KIF1B: variants seen among roughly 807,000 people sequenced by gnomAD.
KIF1B encodes kinesin family member 1B.
In KIF1B, 76 loss-of-function variants were observed where a neutral mutation model predicts 241.9. The observed-to-expected ratio is 0.31, with a 90% confidence interval of 0.26 to 0.38. The LOEUF (loss-of-function observed/expected upper bound fraction) is 0.38. Ranked by LOEUF, KIF1B falls within the 10% of genes least tolerant of loss-of-function variation. KIF1B has a pLI of 1.00. For missense variants in KIF1B, 1,622 were observed against 2,271.4 expected, an observed-to-expected ratio of 0.71 and a Z score of 5.81; for synonymous variants, 750 against 796.7, an observed-to-expected ratio of 0.94 and a Z score of 0.99.
At chr1:10,295,270 AT>A in intron 18 of KIF1B, 105 bp downstream of exon 18, 1 of 781,164 alleles carries the variant, frequency 1.3e-6, no homozygotes, top group Non-Finnish European at 2.3e-6. Flanking sequence ...GATTTGCTGT[AT>A]TTTTTGTCTG....
chr1:10,290,436 G>A lies in KIF1B; in HGVS notation c.1435-646G>A, dbSNP rs7553321. ...GTTCAGGAGGTTAGTGTGTTATGGC[G>A]AAATTGTAGTGAAACAAAAGCAGTA... On this transcript the variant is annotated intron_variant, in intron 15 of 48. Coordinates refer to ENST00000676179, the MANE Select transcript of KIF1B (RefSeq NM_001365951.3). 8.6e-3 allele frequency among the ~76,000 whole-genome samples: 1,309 copies of A among 152,206 alleles called. 17 individuals carry two copies. Among genetic ancestry groups the A allele is most frequent in the African/African-American group, 0.029 (1,219 of 41,534 alleles).
At chr1:10,323,400 C>T (rs1651598388) in intron 24 of KIF1B, among the ~76,000 whole-genome samples, 1 of 152,112 alleles carries the variant, frequency 6.6e-6, no homozygotes. Context: ...GTGGGTGGAT[C>T]ATTTGAGCTC....
intron 2 of KIF1B, among the ~76,000 whole-genome samples, chr1:10,240,148 C>T (rs563086267): frequency 6.6e-5 from 10 of 152,016 alleles, no homozygotes; most frequent in Non-Finnish European, 8.8e-5. Flanking sequence ...GTGATCCGCC[C>T]GCCTCAGCCT....
intron 10 of KIF1B, among the ~76,000 whole-genome samples, chr1:10,273,382 TGTCTCTACTAAAAATACA>T (rs1648906213): frequency 6.6e-6 from 1 of 152,154 alleles, no homozygotes; most frequent in Non-Finnish European, 1.5e-5. Context: ...GGTGAAACTC[TGTCTCTACTAAAAATACA>T]AAAATTAGCT....
intron 2 of KIF1B, among the ~76,000 whole-genome samples, chr1:10,247,208 C>G (rs1647231797): frequency 1.3e-5 from 2 of 152,230 alleles, no homozygotes; most frequent in African/African-American, 4.8e-5. Flanking sequence ...ACTTTGGCCA[C>G]ACAGCCTCAC....
intron 38 of KIF1B, among the ~76,000 whole-genome samples, chr1:10,358,825 C>T (rs1224247723): frequency 6.6e-6 from 1 of 152,160 alleles, no homozygotes; most frequent in African/African-American, 2.4e-5. Flanking sequence ...GTTTTATGGA[C>T]ACATGAAGGG....
chr1:10,310,594 G>A (rs1343776211), intron 22 of KIF1B, among the ~76,000 whole-genome samples: 1 of 151,590 alleles, frequency 6.6e-6, no homozygotes, highest in Non-Finnish European at 1.5e-5. Flanking sequence ...ATAGTTTGCC[G>A]ACCCCGATCT....
chr1:10,332,288 A>T (rs1221845916), intron 27 of KIF1B, among the ~76,000 whole-genome samples: 2 of 150,974 alleles, frequency 1.3e-5, no homozygotes, highest in Non-Finnish European at 3.0e-5. Flanking sequence ...CTGGTCTCGA[A>T]CTCCTGACCT....
chr1:10,343,617 G>A (rs954802708), intron 34 of KIF1B, among the ~76,000 whole-genome samples: 4 of 152,116 alleles, frequency 2.6e-5, no homozygotes, highest in Non-Finnish European at 5.9e-5. Context: ...AATTAGCCGG[G>A]CATGGTGGCA....
At chr1:10,292,196 G>A in intron 17 of KIF1B, 74 bp downstream of exon 17, 1 of 1,099,354 alleles carries the variant, frequency 9.1e-7, no homozygotes, top group Non-Finnish European at 1.4e-6. Flanking sequence ...GGCACTTCAT[G>A]TCTTTCAGGA....
In KIF1B at chr1:10,276,338, G is replaced by A. The variant is rs2102222250; in HGVS notation, c.976G>A (p.Ala326Thr). The A allele has an allele frequency of 6.2e-7, 1 of 1,613,756 alleles. No individual in the cohort carries two copies. The highest frequency in any genetic ancestry group is 2.2e-5 in the East Asian group (1 of 44,880). ...RENLGGNSRT[A>T]MVAALSPADI... ...CTTTTTAGGTGGCAATTCTCGGACT[G>A]CAATGGTTGCTGCTCTGAGCCCCGC... The change falls in exon 12 of 49, where the codon GCA becomes ACA. Residue 326 changes from alanine (A) to threonine (T), a missense_variant. Ala to Thr is a moderately conservative substitution (Grantham distance 58). Coordinates refer to ENST00000676179, the MANE Select transcript of KIF1B (RefSeq NM_001365951.3).
chr1:10,363,175 T>TAAA (rs1638470674), intron 40 of KIF1B, 108 bp from the exon 41 acceptor site: 1 of 793,072 alleles, frequency 1.3e-6, no homozygotes, highest in East Asian at 2.6e-5. Flanking sequence ...TGCCTGGAAT[T>TAAA]ATATTTGAGT....
At chr1:10,245,612 T>A (rs1370269121) in intron 2 of KIF1B, among the ~76,000 whole-genome samples, 1 of 152,080 alleles carries the variant, frequency 6.6e-6, no homozygotes, top group African/African-American at 2.4e-5. Flanking sequence ...TACATTTAGG[T>A]CTTAGATGTT....
rs1374580212 is a variant in KIF1B at position 10,378,111 on chromosome 1, T to A, written c.*1524T>A. On this transcript the variant is annotated 3_prime_UTR_variant, in exon 49 of 49. Transcript: ENST00000676179. Reference sequence around the variant, plus strand: ...CTTTCAGTGATGCTCTCTATACTCATAAATAAGCAAATGTGGCAGGCTTTG... The same window carrying A: ...CTTTCAGTGATGCTCTCTATACTCAAAAATAAGCAAATGTGGCAGGCTTTG... 1.7e-6 allele frequency: 1 copy of A among 577,128 alleles called. No homozygotes were observed. Among genetic ancestry groups the A allele is most frequent in the Non-Finnish European group, 3.1e-6 (1 of 323,792 alleles). The allele number at this position is 577,128 out of a possible 1,614,324, so 35.8% of individuals were successfully genotyped here. A position where few individuals can be genotyped will look rare whatever the true frequency, so the allele number is the denominator to read the frequency against.
In KIF1B at chr1:10,276,289, TG is replaced by T. The variant is rs767415929; in HGVS notation, c.959-31del. 11 of 1,483,786 alleles carry T rather than the reference TG, an allele frequency of 7.4e-6. No individual in the cohort carries two copies. In the East Asian group the frequency reaches 2.3e-4, roughly 31 times the overall value. The allele number at this position is 1,483,786 out of a possible 1,614,324, so 91.9% of individuals were successfully genotyped here. On this transcript the variant is annotated intron_variant, in intron 11 of 48. Transcript: ENST00000676179. ...CATAAAATTTTTCTTCTAAAATGAG[TG>T]TGATTTGATACTCATGATTAATCTT...
At chr1:10,268,608 C>A (rs1193739235) in intron 7 of KIF1B, among the ~76,000 whole-genome samples, 1 of 149,054 alleles carries the variant, frequency 6.7e-6, no homozygotes, top group Non-Finnish European at 1.5e-5. Context: ...TTATTAGCTG[C>A]CTTTGGTATG....
intron 20 of KIF1B, 36 bp downstream of exon 20, chr1:10,296,701 T>C: frequency 6.4e-7 from 1 of 1,570,260 alleles, no homozygotes; most frequent in Middle Eastern, 1.7e-4. Context: ...TTCAGCAATG[T>C]GCACATGGCT....
At position 10,240,046 on chromosome 1, in the gene KIF1B, A is replaced by G. The variant is rs149840216; in HGVS notation, c.106+7612A>G. ...CTCCCAAAGTGTTGGGATTACAGGC[A>G]TAAGCCACCATGCCTAGCTGCTAAT... On this transcript the variant is annotated intron_variant, in intron 2 of 48. Transcript: ENST00000676179. Among the ~76,000 whole-genome samples, 1,478 of 151,530 alleles carry G rather than the reference A, an allele frequency of 9.8e-3. 19 individuals carry two copies. The highest frequency in any genetic ancestry group is 0.034 in the African/African-American group (1,405 of 41,306).
At chr1:10,347,681 A>G (rs1652634571) in intron 35 of KIF1B, 80 bp from the exon 36 acceptor site, 1 of 1,166,766 alleles carries the variant, frequency 8.6e-7, no homozygotes, top group Admixed American at 1.7e-5. Flanking sequence ...ATCAGAATTT[A>G]TCAAAACAAA....
Sources: allele counts gnomAD v4.1 joint callset (sites outside exome capture counted in the v4.1 genomes callset), GRCh38; gene constraint gnomAD v4.1.1; transcripts MANE v1.5; gene names NCBI Gene and HGNC (gene_info 2026-07-23, HGNC 2026-07-21).